The following RBMX variants were observed in gnomAD, a reference collection of about 807,000 sequenced individuals.
The protein encoded by RBMX is RNA-binding motif protein, X chromosome.
Under a neutral mutation model 29.3 loss-of-function variants are expected in RBMX, and 1 was observed. The ratio of observed to expected loss-of-function variants is 0.03; its 90% CI spans 0.01 to 0.16. The LOEUF (loss-of-function observed/expected upper bound fraction) is 0.16. Ranked by LOEUF, RBMX falls within the 10% of genes least tolerant of loss-of-function variation. The pLI is 1.00. For missense variants in RBMX, 121 were observed against 333.2 expected, an observed-to-expected ratio of 0.36 and a Z score of 4.96; for synonymous variants, 102 against 102.3, an observed-to-expected ratio of 1.00 and a Z score of 0.02.
Position 136,873,750 on chromosome X carries a change from G to C in RBMX, c.*392C>G, listed in dbSNP as rs1388885586. 6 of 779,915 alleles carry C rather than the reference G, an allele frequency of 7.7e-6. No homozygotes were observed. The highest frequency in any genetic ancestry group is 9.2e-6 in the Non-Finnish European group (6 of 654,954). The allele number at this position is 779,915 out of a possible 1,213,427, so 64.3% of individuals were successfully genotyped here. ...TACCCCAACCACCCTCTAATAGCTA[G>C]CTTGTTTGTATAGGTAGAATGATTC... is the stretch of plus-strand genomic sequence containing the variant. On this transcript the variant is annotated 3_prime_UTR_variant, in exon 9 of 9. Coordinates refer to ENST00000320676, the MANE Select transcript of RBMX (RefSeq NM_002139.4).
chrX:136,878,967 T>C, intron 3 of RBMX, 50 bp downstream of exon 3: 1 of 1,197,286 alleles, frequency 8.4e-7, no homozygotes, highest in Non-Finnish European at 1.1e-6. Context: ...AACTACATGT[T>C]ATTTTATGCA....
rs1369078198 is a variant in RBMX at position 136,877,552 on chromosome X, G to C, written c.388+363C>G. On this transcript the variant is annotated intron_variant, in intron 4 of 8. Coordinates refer to ENST00000320676, the MANE Select transcript of RBMX (RefSeq NM_002139.4). ...TGCAACCTCTGCCTCCCAAGTTCAAGTGATTCTTCTGCCTCAGCCTCCGTA... is the reference window on the plus strand; with the variant it reads ...TGCAACCTCTGCCTCCCAAGTTCAACTGATTCTTCTGCCTCAGCCTCCGTA... Among the ~76,000 whole-genome samples, 3 of 106,266 alleles carry C rather than the reference G, an allele frequency of 2.8e-5. No homozygotes were observed. The East Asian group carries it at 9.0e-4, about 32-fold the overall frequency. 92.3% of individuals were successfully genotyped at this position (106,266 alleles called of 115,157 possible). A position where few individuals can be genotyped will look rare whatever the true frequency, so the allele number is the denominator to read the frequency against.
chrX:136,869,715 C>T (rs778886645), downstream of RBMX: 2 of 104,468 alleles, frequency 1.9e-5, no homozygotes, highest in African/African-American at 7.8e-5. Flanking sequence ...CATAACTACA[C>T]GACAAAAACA....
At chrX:136,871,340 G>A (rs762717676), downstream of RBMX, among the ~76,000 whole-genome samples, 34 of 103,661 alleles carry the variant, frequency 3.3e-4, 1 homozygote, top group East Asian at 0.01. Flanking sequence ...ACTGGGGGAG[G>A]CTGAGGCACA....
chrX:136,878,994 A>G, intron 3 of RBMX, 23 bp downstream of exon 3: 1 of 1,208,157 alleles, frequency 8.3e-7, no homozygotes. Context: ...ACAGGTTATC[A>G]TCCATCGTGT....
At chrX:136,871,202 T>C (rs1211716465), downstream of RBMX, among the ~76,000 whole-genome samples, 1 of 108,132 alleles carries the variant, frequency 9.2e-6, no homozygotes, top group Non-Finnish European at 1.9e-5. Context: ...ATCCCAGCAC[T>C]TTGGGAGGCG....
chrX:136,875,610 A>T, intron 5 of RBMX, 25 bp from the exon 6 acceptor site: 1 of 1,192,578 alleles, frequency 8.4e-7, no homozygotes, highest in Non-Finnish European at 1.1e-6. Context: ...TCATTTTTTT[A>T]AACATAGCCA....
At chrX:136,875,720 T>C in intron 5 of RBMX, 135 bp from the exon 6 acceptor site, 1 of 893,298 alleles carries the variant, frequency 1.1e-6, no homozygotes, top group Non-Finnish European at 1.5e-6. Flanking sequence ...TAATTTTATT[T>C]TCTACAATTT....
At chrX:136,873,191 G>A (rs2077695464), downstream of RBMX, 1 of 112,249 alleles carries the variant, frequency 8.9e-6, no homozygotes, top group Non-Finnish European at 1.9e-5. Context: ...TGTACTATGA[G>A]GAAGGTAAGT....
At position 136,874,382 on chromosome X, in the gene RBMX, A is replaced by G; in HGVS notation, c.936T>C (p.Asp312=). Residue 312 remains aspartate, a synonymous_variant, in exon 9 of 9, where the codon GAT becomes GAC. Transcript: ENST00000320676. ...CATATCCGTCACGTGAGCTGCTGTA[A>G]TCATCATAGCGACTGCTTCCACCAT... ...PSYGGSSRYD[D]YSSSRDGYGG... 1 of 1,212,863 alleles carries G rather than the reference A, an allele frequency of 8.2e-7. No individual in the cohort carries two copies. The highest frequency in any genetic ancestry group is 1.1e-6 in the Non-Finnish European group (1 of 895,705).
intron 5 of RBMX, among the ~76,000 whole-genome samples, chrX:136,876,197 C>G (rs1254357772): frequency 1.0e-5 from 1 of 95,882 alleles, no homozygotes; most frequent in African/African-American, 4.1e-5. Flanking sequence ...GATCTCGGTT[C>G]CCTGCAACCT....
intron 3 of RBMX, among the ~76,000 whole-genome samples, 175 bp from the exon 4 acceptor site, chrX:136,878,261 T>G (rs184260246): frequency 2.7e-5 from 3 of 111,321 alleles, no homozygotes; most frequent in Non-Finnish European, 3.8e-5. Flanking sequence ...CTTTTCCGCT[T>G]AAAATTCTTA....
Position 136,879,309 on chromosome X carries a change from G to C in RBMX, c.109+10C>G, listed in dbSNP as rs747198383. Reference sequence around the variant, plus strand: ...TATAATAGCCCAGCCTGTACTGCCAGACAACTCACCTTCCACTATTCGTCC... The same window carrying C: ...TATAATAGCCCAGCCTGTACTGCCACACAACTCACCTTCCACTATTCGTCC... On this transcript the variant is annotated intron_variant, in intron 2 of 8. Coordinates refer to ENST00000320676, the MANE Select transcript of RBMX (RefSeq NM_002139.4). 1 of 1,173,226 alleles carries C rather than the reference G, an allele frequency of 8.5e-7. No homozygotes were observed. Among genetic ancestry groups the C allele is most frequent in the Non-Finnish European group, 1.2e-6 (1 of 861,515 alleles).
intron 3 of RBMX, 48 bp from the exon 4 acceptor site, chrX:136,878,134 T>G (rs1372830071): frequency 4.7e-6 from 5 of 1,058,751 alleles, no homozygotes; most frequent in Non-Finnish European, 6.3e-6. Flanking sequence ...AAAAATAATT[T>G]GCACATCTAC....
rs1430391150 is a variant in RBMX at position 136,876,489 on chromosome X, C to A, written c.541+14G>T. ...TACGGTAGTAGCATAAATCATCATA[C>A]ATGGAACATTTACCTCTTCCTCCCA... On this transcript the variant is annotated intron_variant, in intron 5 of 8. Coordinates refer to ENST00000320676, the MANE Select transcript of RBMX (RefSeq NM_002139.4). The A allele has an allele frequency of 8.6e-7, 1 of 1,164,082 alleles. No individual in the cohort carries two copies. The highest frequency in any genetic ancestry group is 1.1e-6 in the Non-Finnish European group (1 of 875,441).
At chrX:136,879,591 C>A (rs2077776578) in intron 1 of RBMX, 138 bp from the exon 2 acceptor site, 2 of 541,484 alleles carry the variant, frequency 3.7e-6, no homozygotes, top group Non-Finnish European at 2.9e-6. Context: ...ACGAGCTAAG[C>A]CTCAGCCACA....
chrX:136,877,334 C>G (rs897012724), intron 4 of RBMX, among the ~76,000 whole-genome samples: 2 of 81,666 alleles, frequency 2.4e-5, no homozygotes, highest in African/African-American at 4.3e-5. Context: ...CTCTACCCCC[C>G]CCCCCCCAAA....
At chrX:136,874,863 A>T in intron 8 of RBMX, 4 of 597,680 alleles carry the variant, frequency 6.7e-6, no homozygotes, top group Non-Finnish European at 7.0e-6. Flanking sequence ...CTGCCAATTT[A>T]AGCAAGCAAA....
At chrX:136,878,619 C>CACA (rs1306533795) in intron 3 of RBMX, among the ~76,000 whole-genome samples, 1 of 62,182 alleles carries the variant, frequency 1.6e-5, no homozygotes, top group Non-Finnish European at 2.8e-5. Context: ...GTCGCGCATG[C>CACA]CTGTAATCCC....
Sources: allele counts gnomAD v4.1 joint callset (sites outside exome capture counted in the v4.1 genomes callset), GRCh38; gene constraint gnomAD v4.1.1; transcripts MANE v1.5; gene names NCBI Gene and HGNC (gene_info 2026-07-23, HGNC 2026-07-21).